The following PAPPA2 variants were observed in gnomAD, a reference collection of about 807,000 sequenced individuals.
PAPPA2 encodes the protein pappalysin-2.
PAPPA2 carries 86 observed loss-of-function variants against 176.4 expected under a neutral mutation model. The observed-to-expected ratio is 0.49, with a 90% CI of 0.41 to 0.58. The LOEUF (loss-of-function observed/expected upper bound fraction) is 0.58. Ranked by LOEUF, PAPPA2 falls within the 20% of genes least tolerant of loss-of-function variation. PAPPA2 has a pLI of 0.00. For missense variants in PAPPA2, 2,073 were observed against 2,256.9 expected, an observed-to-expected ratio of 0.92 and a Z score of 1.65; for synonymous variants, 809 against 852.2, an observed-to-expected ratio of 0.95 and a Z score of 0.88.
chr1:176,761,089 G>C (rs1411424220), intron 14 of PAPPA2, among the ~76,000 whole-genome samples: 2 of 151,982 alleles, frequency 1.3e-5, no homozygotes, highest in Non-Finnish European at 2.9e-5. Context: ...CCAAAGTGCT[G>C]GTATTACAGA....
At chr1:176,550,652 T>A (rs974800) in intron 1 of PAPPA2, among the ~76,000 whole-genome samples, 34,436 of 152,176 alleles carry the variant, frequency 0.23, 4,849 homozygotes, top group African/African-American at 0.39. Context: ...TTGGATGGAA[T>A]GTAGCTTTTA....
intron 21 of PAPPA2, among the ~76,000 whole-genome samples, chr1:176,818,949 T>C (rs1666520216): frequency 6.6e-6 from 1 of 152,228 alleles, no homozygotes; most frequent in South Asian, 2.1e-4. Flanking sequence ...TATTATTTAG[T>C]AGAATTATCA....
At chr1:176,527,745 T>C (rs1649576103) in intron 1 of PAPPA2, among the ~76,000 whole-genome samples, 1 of 152,142 alleles carries the variant, frequency 6.6e-6, no homozygotes, top group Admixed American at 6.5e-5. Context: ...AAAAGAAGTT[T>C]CCATTCAGAA....
At chr1:176,533,151 G>A (rs1007292262) in intron 1 of PAPPA2, among the ~76,000 whole-genome samples, 24 of 152,190 alleles carry the variant, frequency 1.6e-4, no homozygotes, top group Non-Finnish European at 3.1e-4. Flanking sequence ...TCTGAACATG[G>A]TGTAGGTAAG....
At chr1:176,575,478 T>C (rs1322379700) in intron 2 of PAPPA2, among the ~76,000 whole-genome samples, 4 of 152,230 alleles carry the variant, frequency 2.6e-5, no homozygotes, top group Non-Finnish European at 5.9e-5. Flanking sequence ...TCTGGTTCAC[T>C]CTTATTCAAT....
At chr1:176,726,040 A>G (rs1273234063) in intron 12 of PAPPA2, among the ~76,000 whole-genome samples, 1 of 152,164 alleles carries the variant, frequency 6.6e-6, no homozygotes, top group African/African-American at 2.4e-5. Context: ...TCGGCCTCCC[A>G]AAGTGCTGGG....
chr1:176,587,225 A>G (rs1405633141), intron 2 of PAPPA2, among the ~76,000 whole-genome samples: 2 of 151,832 alleles, frequency 1.3e-5, no homozygotes, highest in Non-Finnish European at 1.5e-5. Context: ...AAAATTTTCA[A>G]CCATTTTTTA....
intron 3 of PAPPA2, among the ~76,000 whole-genome samples, chr1:176,634,235 C>T (rs1656526567): frequency 1.3e-5 from 2 of 152,184 alleles, no homozygotes; most frequent in South Asian, 2.1e-4. Context: ...AAATGTGGCA[C>T]TTATACACCA....
intron 3 of PAPPA2, among the ~76,000 whole-genome samples, chr1:176,613,605 C>T (rs1655049562): frequency 6.6e-6 from 1 of 152,180 alleles, no homozygotes. Flanking sequence ...TCTTTTGAGG[C>T]TCAGAAGGAG....
chr1:176,736,541 T>G (rs1039440340), intron 12 of PAPPA2, among the ~76,000 whole-genome samples: 1 of 147,068 alleles, frequency 6.8e-6, no homozygotes, highest in African/African-American at 2.5e-5. Flanking sequence ...TATTTTTAAA[T>G]ATATATCTTA....
intron 4 of PAPPA2, among the ~76,000 whole-genome samples, chr1:176,672,582 A>C (rs993507840): frequency 2.6e-5 from 4 of 152,142 alleles, no homozygotes; most frequent in African/African-American, 9.7e-5. Flanking sequence ...GACCAAAAAA[A>C]AAAAGAAAAG....
intron 12 of PAPPA2, among the ~76,000 whole-genome samples, chr1:176,723,864 T>G (rs1661737583): frequency 6.6e-6 from 1 of 152,170 alleles, no homozygotes; most frequent in African/African-American, 2.4e-5. Context: ...CCATTTATGG[T>G]TTACAAAGTA....
chr1:176,497,987 A>C (rs1002072288), intron 1 of PAPPA2, among the ~76,000 whole-genome samples: 2 of 152,138 alleles, frequency 1.3e-5, no homozygotes, highest in African/African-American at 4.8e-5. Flanking sequence ...TCTTTTTGTA[A>C]GGTAATAAGT....
At chr1:176,500,365 G>A (rs1463878983) in intron 1 of PAPPA2, among the ~76,000 whole-genome samples, 1 of 151,480 alleles carries the variant, frequency 6.6e-6, no homozygotes, top group Non-Finnish European at 1.5e-5. Flanking sequence ...GATATGGAAA[G>A]GCACCAGAAG....
chr1:176,651,898 T>C (rs1657747106), intron 3 of PAPPA2, among the ~76,000 whole-genome samples: 1 of 151,662 alleles, frequency 6.6e-6, no homozygotes, highest in South Asian at 2.1e-4. Context: ...CTATTTTTTT[T>C]CCTCTGCTTG....
chr1:176,509,950 C>T (rs1259732267), intron 1 of PAPPA2, among the ~76,000 whole-genome samples: 3 of 152,188 alleles, frequency 2.0e-5, no homozygotes, highest in African/African-American at 7.2e-5. Flanking sequence ...AGGAAGATCG[C>T]CTGAGCCAGG....
intron 2 of PAPPA2, among the ~76,000 whole-genome samples, chr1:176,559,112 C>T (rs560897029): frequency 3.9e-5 from 6 of 152,294 alleles, no homozygotes; most frequent in South Asian, 2.1e-4. Flanking sequence ...ACCTGTCCAC[C>T]GCCTCCAACC....
intron 1 of PAPPA2, among the ~76,000 whole-genome samples, chr1:176,479,984 C>T (rs1443112788): frequency 6.6e-6 from 1 of 152,180 alleles, no homozygotes; most frequent in Non-Finnish European, 1.5e-5. Context: ...AGGGAAGTGT[C>T]CGAGGATAAG....
intron 12 of PAPPA2, among the ~76,000 whole-genome samples, chr1:176,733,793 C>T (rs1196212922): frequency 6.6e-6 from 1 of 152,034 alleles, no homozygotes; most frequent in Non-Finnish European, 1.5e-5. Context: ...TTATTGAGAA[C>T]CTGACTCAGA....
Sources: allele counts gnomAD v4.1 joint callset (sites outside exome capture counted in the v4.1 genomes callset), GRCh38; gene constraint gnomAD v4.1.1; transcripts MANE v1.5; gene names NCBI Gene and HGNC (gene_info 2026-07-23, HGNC 2026-07-21).